PKNOX2: variants seen among roughly 807,000 people sequenced by gnomAD.
PKNOX2 encodes PBX/knotted 1 homeobox 2.
Under a neutral mutation model 53.1 loss-of-function variants are expected in PKNOX2, and 14 were observed. That is an observed-to-expected ratio of 0.26 (90% CI 0.17 to 0.41). PKNOX2 has a LOEUF of 0.41. PKNOX2 is among the 10% of genes least tolerant of loss of function. The probability of loss-of-function intolerance (pLI) is 1.00; values close to 1 mark genes in which losing one functional copy is unlikely to be tolerated. For synonymous variants in PKNOX2, 257 were observed against 242.8 expected, an observed-to-expected ratio of 1.06 and a Z score of -0.54; for missense variants, 496 against 602.8, an observed-to-expected ratio of 0.82 and a Z score of 1.85.
chr11:125,318,783 G>A (rs776056205), intron 2 of PKNOX2, among the ~76,000 whole-genome samples: 1 of 152,174 alleles, frequency 6.6e-6, no homozygotes, highest in Non-Finnish European at 1.5e-5. Flanking sequence ...GGACCTGGTG[G>A]AGGTGATTAG....
At chr11:125,397,581 C>G (rs1028124007) in intron 6 of PKNOX2, among the ~76,000 whole-genome samples, 1 of 152,230 alleles carries the variant, frequency 6.6e-6, no homozygotes, top group East Asian at 1.9e-4. Context: ...GGCCTCCCAT[C>G]GCTAAGGCCA....
intron 2 of PKNOX2, among the ~76,000 whole-genome samples, chr11:125,299,204 A>G (rs1947863965): frequency 6.6e-6 from 1 of 152,108 alleles, no homozygotes; most frequent in Non-Finnish European, 1.5e-5. Flanking sequence ...AAACTCACTC[A>G]TTCCCATGGG....
At chr11:125,244,806 G>T (rs193285753) in intron 2 of PKNOX2, among the ~76,000 whole-genome samples, 1 of 152,328 alleles carries the variant, frequency 6.6e-6, no homozygotes, top group East Asian at 1.9e-4. Context: ...CTAGGTTGGG[G>T]TGAGCATCTG....
rs1952280000 is a variant in PKNOX2 at position 125,367,925 on chromosome 11, T to C, written c.167T>C (p.Val56Ala). ...SAPSAAASTP[V>A]PSAPIDPQAQ... ...CCCTCAGCTGCTGCCAGCACACCTG[T>C]GCCCAGTGCCCCCATCGACCCCCAG... The change falls in exon 5 of 13, where the codon GTG (valine) becomes GCG (alanine). Residue 56 changes from valine (V) to alanine (A), a missense_variant. Val to Ala is a moderately conservative substitution (Grantham distance 64). Around this residue, in one of 5 missense-constraint regions of PKNOX2, gnomAD observed 168 missense variants for 178.4 expected, o/e 0.94. Coordinates refer to ENST00000298282, the MANE Select transcript of PKNOX2 (RefSeq NM_001382323.2). 3 of 1,613,494 alleles carry C rather than the reference T, an allele frequency of 1.9e-6. 1 individual carries two copies. The highest frequency in any genetic ancestry group is 2.7e-5 in the African/African-American group (2 of 74,892).
chr11:125,325,543 A>G (rs1222831621), intron 2 of PKNOX2, among the ~76,000 whole-genome samples: 1 of 152,228 alleles, frequency 6.6e-6, no homozygotes, highest in Non-Finnish European at 1.5e-5. Context: ...GATGAGAAAG[A>G]TTCTGCTAGA....
intron 4 of PKNOX2, among the ~76,000 whole-genome samples, chr11:125,356,542 CA>C (rs1951627151): frequency 6.6e-6 from 1 of 152,248 alleles, no homozygotes; most frequent in Non-Finnish European, 1.5e-5. Flanking sequence ...GATCCTCCAG[CA>C]TCCCTCAGAG....
At chr11:125,292,200 T>C (rs555661685) in intron 2 of PKNOX2, among the ~76,000 whole-genome samples, 104 of 152,384 alleles carry the variant, frequency 6.8e-4, no homozygotes, top group Non-Finnish European at 1.2e-3. Context: ...TTAGGTCGTC[T>C]CTCAGCATTG....
intron 2 of PKNOX2, among the ~76,000 whole-genome samples, chr11:125,255,387 C>T (rs935918864): frequency 1.2e-4 from 18 of 152,300 alleles, no homozygotes; most frequent in African/African-American, 3.8e-4. Flanking sequence ...CCCAGCCCAC[C>T]CCCGGGATGA....
At chr11:125,358,696 C>T (rs1951754140) in intron 4 of PKNOX2, among the ~76,000 whole-genome samples, 1 of 152,246 alleles carries the variant, frequency 6.6e-6, no homozygotes, top group Non-Finnish European at 1.5e-5. Context: ...GGCTCTGATG[C>T]CGGCCCTTCC....
At chr11:125,168,221 A>G (rs1955033413) in intron 1 of PKNOX2, among the ~76,000 whole-genome samples, 1 of 152,238 alleles carries the variant, frequency 6.6e-6, no homozygotes, top group Non-Finnish European at 1.5e-5. Flanking sequence ...GCTGTTTTTC[A>G]GTGCTTTTTG....
intron 7 of PKNOX2, among the ~76,000 whole-genome samples, chr11:125,401,840 C>T (rs968641851): frequency 1.3e-5 from 2 of 152,058 alleles, no homozygotes; most frequent in Admixed American, 6.6e-5. Context: ...CACCCTTAAT[C>T]CCCCCGGCCT....
rs148418751 is a variant in PKNOX2, at chr11:125,405,807, G to A, written c.589-4389G>A. 4.2e-3 allele frequency among the ~76,000 whole-genome samples: 643 copies of A among 152,272 alleles called. 6 individuals carry two copies. Among genetic ancestry groups the A allele is most frequent in the African/African-American group, 0.013 (539 of 41,540 alleles). The stretch of plus-strand genomic sequence containing the variant: ...GCACACAAGGAACAGGAGTGGGGCC[G>A]CTTCCAGGGGTGCCCATGGAGCCCG... On this transcript the variant is annotated intron_variant, in intron 7 of 12. Coordinates refer to ENST00000298282, the MANE Select transcript of PKNOX2 (RefSeq NM_001382323.2).
intron 2 of PKNOX2, among the ~76,000 whole-genome samples, chr11:125,242,537 A>G (rs1565477631): frequency 6.6e-6 from 1 of 152,032 alleles, no homozygotes; most frequent in Non-Finnish European, 1.5e-5. Flanking sequence ...GCCTCTGGTT[A>G]CTGGTTCTGG....
intron 2 of PKNOX2, among the ~76,000 whole-genome samples, chr11:125,244,851 A>G (rs1200849860): frequency 6.6e-6 from 1 of 152,112 alleles, no homozygotes; most frequent in Non-Finnish European, 1.5e-5. Context: ...CTGGTCTAGA[A>G]AGTGGATCCT....
chr11:125,230,613 G>T (rs1032325579), intron 1 of PKNOX2, among the ~76,000 whole-genome samples: 1 of 152,212 alleles, frequency 6.6e-6, no homozygotes, highest in African/African-American at 2.4e-5. Flanking sequence ...TGTTCAAGAA[G>T]GAGTTGTCAC....
chr11:125,378,879 C>T (rs756199858), intron 5 of PKNOX2, among the ~76,000 whole-genome samples: 27 of 152,194 alleles, frequency 1.8e-4, no homozygotes, highest in Non-Finnish European at 2.2e-4. Flanking sequence ...TTTGCATCTT[C>T]GCCTCTCTGA....
chr11:125,406,411 G>T (rs1004872042), intron 7 of PKNOX2, among the ~76,000 whole-genome samples: 4 of 152,204 alleles, frequency 2.6e-5, no homozygotes, highest in African/African-American at 9.7e-5. Context: ...AACTCTGCCT[G>T]CGTGCGCAAC....
chr11:125,236,870 G>A (rs750280002), intron 2 of PKNOX2, among the ~76,000 whole-genome samples: 1 of 152,188 alleles, frequency 6.6e-6, no homozygotes, highest in Non-Finnish European at 1.5e-5. Flanking sequence ...AGTGAGGGCT[G>A]GATTTGAGAG....
At chr11:125,329,346 CTTAT>C (rs982128070) in intron 2 of PKNOX2, among the ~76,000 whole-genome samples, 3 of 152,118 alleles carry the variant, frequency 2.0e-5, no homozygotes, top group Non-Finnish European at 2.9e-5. Context: ...CATTTTTCCT[CTTAT>C]TTGTCTATTT....
Sources: gnomAD v4.1 joint callset for allele counts (sites outside exome capture counted in the v4.1 genomes callset) on GRCh38, gnomAD v4.1.1 for gene constraint, gnomAD v4.1.1 regional missense constraint, MANE v1.5 for transcripts, NCBI Gene and HGNC (gene_info 2026-07-23, HGNC 2026-07-21) for gene names.